Variants in NBEA observed in about 807,000 individuals in gnomAD.
NBEA encodes the protein lysosomal-trafficking regulator 2.
Under a neutral mutation model 343.4 loss-of-function variants are expected in NBEA, and 44 were observed. The observed-to-expected ratio is 0.13, with a 90% confidence interval of 0.10 to 0.16. The LOEUF (loss-of-function observed/expected upper bound fraction) is 0.16, where lower values mean the gene tolerates loss of function less well. NBEA is among the 10% of genes least tolerant of loss of function. NBEA has a pLI of 1.00. For synonymous variants in NBEA, 1,175 were observed against 1,238.7 expected, an observed-to-expected ratio of 0.95 and a Z score of 1.08; for missense variants, 2,555 against 3,631.3, an observed-to-expected ratio of 0.70 and a Z score of 7.62.
intron 38 of NBEA, among the ~76,000 whole-genome samples, chr13:35,383,612 C>T (rs925639909): frequency 6.6e-6 from 1 of 152,018 alleles, no homozygotes; most frequent in African/African-American, 2.4e-5. Context: ...CATAGCCAAG[C>T]GATGTGACTG....
Position 35,159,275 on chromosome 13 carries a change from A to T in NBEA, c.3104A>T (p.Asp1035Val). Residue 1035 changes from aspartate (D) to valine (V), a missense_variant, in exon 22 of 59, where the codon GAT (aspartate) becomes GTT (valine). By Grantham distance (152) the Asp-to-Val change is radical. This residue lies in a region of NBEA where 367 missense variants were observed against 377.5 expected (regional missense o/e 0.97). Transcript: ENST00000379939. ...RDLLMSTKVS[D>V]DILGNSDRPG... ...TTACTCATGTCAACAAAAGTGTCAG[A>T]TGATATTCTTGGAAATTCAGATAGA... The T allele has an allele frequency of 6.2e-7, 1 of 1,613,590 alleles. No homozygotes were observed. Among genetic ancestry groups the T allele is most frequent in the Non-Finnish European group, 8.5e-7 (1 of 1,179,654 alleles).
At chr13:35,113,201 A>T (rs551800842) in intron 13 of NBEA, among the ~76,000 whole-genome samples, 9 of 152,164 alleles carry the variant, frequency 5.9e-5, no homozygotes, top group Admixed American at 4.6e-4. Flanking sequence ...GTTCATGATG[A>T]TTCAGGTTTT....
At chr13:35,476,344 G>A in intron 41 of NBEA, 1 of 1,078,184 alleles carries the variant, frequency 9.3e-7, no homozygotes. Context: ...TGCTGCTGCT[G>A]CTGCTGCTGC....
At chr13:35,467,410 G>T (rs1314514721) in intron 40 of NBEA, among the ~76,000 whole-genome samples, 1 of 151,918 alleles carries the variant, frequency 6.6e-6, no homozygotes, top group Non-Finnish European at 1.5e-5. Context: ...GGCGGAGCTT[G>T]CAGTGAGCCA....
chr13:35,273,400 G>A (rs887222747), intron 34 of NBEA, among the ~76,000 whole-genome samples: 6 of 150,864 alleles, frequency 4.0e-5, no homozygotes, highest in African/African-American at 7.3e-5. Context: ...AAGAGAAAGC[G>A]GAAAGCAGAA....
chr13:35,123,186 T>G (rs1182054715), intron 16 of NBEA, among the ~76,000 whole-genome samples: 1 of 152,222 alleles, frequency 6.6e-6, no homozygotes, highest in Non-Finnish European at 1.5e-5. Flanking sequence ...GTTTAAATAT[T>G]GGGGCCAATT....
At chr13:35,619,337 A>G (rs1348238037) in intron 48 of NBEA, among the ~76,000 whole-genome samples, 1 of 152,032 alleles carries the variant, frequency 6.6e-6, no homozygotes, top group Non-Finnish European at 1.5e-5. Flanking sequence ...AGAGCCAGTG[A>G]GCATGACATA....
intron 46 of NBEA, among the ~76,000 whole-genome samples, chr13:35,587,500 TA>T (rs2081342169): frequency 6.6e-6 from 1 of 152,162 alleles, no homozygotes; most frequent in South Asian, 2.1e-4. Flanking sequence ...CTCTTGCAGG[TA>T]CTTTGGGGAT....
chr13:35,255,373 G>T (rs1011714836), intron 34 of NBEA, among the ~76,000 whole-genome samples: 15 of 152,202 alleles, frequency 9.9e-5, no homozygotes, highest in African/African-American at 3.4e-4. Context: ...GGCTCATTCC[G>T]CCCACTTGGC....
rs138270833 is a variant in NBEA at position 35,522,475 on chromosome 13, C to CAAA, written c.6586-27973_6586-27971dup. On this transcript the variant is annotated intron_variant, in intron 41 of 58. Transcript: ENST00000379939. ...GGGCAACAAAGCAAGATACCATCTC[C>CAAA]AAAAAAAAAAAAAAAAAAAAAAAAA... 3.3e-4 allele frequency among the ~76,000 whole-genome samples: 14 copies of CAAA among 42,072 alleles called. 1 individual carries two copies. Among genetic ancestry groups the CAAA allele is most frequent in the African/African-American group, 6.6e-4 (10 of 15,040 alleles). 27.6% of individuals were successfully genotyped at this position (42,072 alleles called of 152,430 possible). A position where few individuals can be genotyped will look rare whatever the true frequency, so the allele number is the denominator to read the frequency against.
chr13:35,662,462 G>T (rs2085142507), intron 55 of NBEA, among the ~76,000 whole-genome samples: 1 of 152,182 alleles, frequency 6.6e-6, no homozygotes, highest in South Asian at 2.1e-4. Context: ...GATTGTTGGG[G>T]TGTGTGACAT....
intron 45 of NBEA, among the ~76,000 whole-genome samples, chr13:35,574,039 T>C (rs2153031546): frequency 6.6e-6 from 1 of 152,282 alleles, no homozygotes; most frequent in Non-Finnish European, 1.5e-5. Flanking sequence ...CTCTACTGTT[T>C]GTAGGTGAAA....
chr13:35,281,650 C>T (rs1052989610), intron 34 of NBEA, among the ~76,000 whole-genome samples: 2 of 151,954 alleles, frequency 1.3e-5, no homozygotes, highest in African/African-American at 4.8e-5. Flanking sequence ...ATAGCATTTC[C>T]ATTTTACATG....
intron 38 of NBEA, among the ~76,000 whole-genome samples, chr13:35,368,982 A>T (rs556215260): frequency 2.2e-4 from 33 of 151,842 alleles, no homozygotes; most frequent in South Asian, 2.1e-3. Flanking sequence ...CAACCAAACC[A>T]TCTAAGGCAC....
At chr13:35,542,727 G>A (rs928824409) in intron 41 of NBEA, among the ~76,000 whole-genome samples, 3 of 151,772 alleles carry the variant, frequency 2.0e-5, no homozygotes, top group Non-Finnish European at 2.9e-5. Flanking sequence ...TTAAAAAGAC[G>A]TGATATCCAG....
intron 10 of NBEA, among the ~76,000 whole-genome samples, chr13:35,077,624 T>G (rs529622367): frequency 6.6e-6 from 1 of 152,306 alleles, no homozygotes; most frequent in East Asian, 1.9e-4. Flanking sequence ...CATTATTAAT[T>G]ACTTCAGCTA....
Position 35,164,422 on chromosome 13 carries a change from A to T in NBEA, c.4146A>T (p.Thr1382=), listed in dbSNP as rs1224072271. The change falls in exon 24 of 59, where the codon ACA becomes ACT. Residue 1382 remains threonine (T), a synonymous_variant. Coordinates refer to ENST00000379939, the MANE Select transcript of NBEA (RefSeq NM_001385012.1). ...SNENIIFVHN[T]IHLISQMVDN... is the part of the protein sequence containing the mutation. ...AAAATATTATTTTTGTACATAACAC[A>T]ATTCACCTCATTTCCCAAATGGTAG... 6.2e-7 allele frequency: 1 copy of T among 1,604,686 alleles called. No individual in the cohort carries two copies. Among genetic ancestry groups the T allele is most frequent in the East Asian group, 2.2e-5 (1 of 44,550 alleles).
intron 1 of NBEA, among the ~76,000 whole-genome samples, chr13:34,944,596 A>G (rs1238202036): frequency 6.6e-6 from 1 of 152,226 alleles, no homozygotes; most frequent in Non-Finnish European, 1.5e-5. Context: ...TTTTCAGAAC[A>G]CTACTAGAAA....
intron 36 of NBEA, among the ~76,000 whole-genome samples, chr13:35,316,342 G>A (rs2152837044): frequency 6.6e-6 from 1 of 152,132 alleles, no homozygotes; most frequent in African/African-American, 2.4e-5. Context: ...CCACTTATGA[G>A]TGAGAACATG....
Sources: gnomAD v4.1 joint callset for allele counts (sites outside exome capture counted in the v4.1 genomes callset) on GRCh38, gnomAD v4.1.1 for gene constraint, gnomAD v4.1.1 regional missense constraint, MANE v1.5 for transcripts, NCBI Gene and HGNC (gene_info 2026-07-23, HGNC 2026-07-21) for gene names.